HSD17B3: variants seen among roughly 807,000 people sequenced by gnomAD.
HSD17B3 encodes the protein 17-beta-hydroxysteroid dehydrogenase type 3.
In HSD17B3, 29 loss-of-function variants were observed where a neutral mutation model predicts 41.1. The ratio of observed to expected loss-of-function variants is 0.71; its 90% confidence interval spans 0.53 to 0.96. The LOEUF (loss-of-function observed/expected upper bound fraction) is 0.96, where lower values mean the gene tolerates loss of function less well. Among genes scored for constraint, HSD17B3 ranks in the 40% least tolerant of loss-of-function variants. The probability of loss-of-function intolerance (pLI) is 0.00; values close to 1 mark genes in which losing one functional copy is unlikely to be tolerated. For missense variants in HSD17B3, 323 were observed against 374.6 expected, an observed-to-expected ratio of 0.86 and a Z score of 1.14; for synonymous variants, 126 against 145.6, an observed-to-expected ratio of 0.87 and a Z score of 0.97.
At chr9:96,298,726 G>A (rs1397567363) in intron 1 of HSD17B3, among the ~76,000 whole-genome samples, 2 of 152,110 alleles carry the variant, frequency 1.3e-5, no homozygotes, top group Admixed American at 1.3e-4. Context: ...GGATTGGCGA[G>A]ACTGTGGAAA....
intron 2 of HSD17B3, among the ~76,000 whole-genome samples, chr9:96,275,699 T>C (rs1417551295): frequency 1.3e-5 from 2 of 152,120 alleles, no homozygotes; most frequent in South Asian, 2.1e-4. Flanking sequence ...AATTATAAGA[T>C]ATTTTATGTA....
intron 2 of HSD17B3, among the ~76,000 whole-genome samples, chr9:96,272,401 CTCTCTA>C (rs1272242597): frequency 3.3e-5 from 1 of 30,672 alleles, no homozygotes; most frequent in African/African-American, 1.2e-4. Context: ...CTCTCTCTCT[CTCTCTA>C]TATATATATA....
chr9:96,274,427 C>T (rs1438245600), intron 2 of HSD17B3, among the ~76,000 whole-genome samples: 1 of 152,136 alleles, frequency 6.6e-6, no homozygotes, highest in East Asian at 1.9e-4. Context: ...CACCACTGCA[C>T]TACAGCCTGG....
chr9:96,249,886 T>C (rs1263256998), intron 5 of HSD17B3, 100 bp from the exon 6 acceptor site: 1 of 1,604,928 alleles, frequency 6.2e-7, no homozygotes, highest in Non-Finnish European at 8.5e-7. Flanking sequence ...CAAAAGTGCA[T>C]GTCTGAACGG....
At chr9:96,295,808 T>C (rs985917831) in intron 2 of HSD17B3, among the ~76,000 whole-genome samples, 2 of 152,170 alleles carry the variant, frequency 1.3e-5, no homozygotes, top group African/African-American at 4.8e-5. Context: ...AATGCATTTT[T>C]CATATGAACC....
rs119481075 is a variant in HSD17B3, at chr9:96,254,906, C to T, written c.239G>A (p.Arg80Gln). Residue 80 changes from arginine to glutamine, a missense_variant, in exon 3 of 11, where the codon CGG (arginine) becomes CAG (glutamine). Transcript: ENST00000375263. ...AATGGCCTCTAGTTTTTCCAGCGTC[C>T]GGCTAATAAGGACAACATTGAGTCC... is the stretch of plus-strand genomic sequence containing the variant. ...KRGLNVVLIS[R>Q]TLEKLEAIAT... The T allele has an allele frequency of 1.4e-4, 224 of 1,613,992 alleles. No homozygotes were observed. Among genetic ancestry groups the T allele is most frequent in the Middle Eastern group, 3.3e-4 (2 of 6,062 alleles).
chr9:96,239,311 C>T (rs1156231256), intron 10 of HSD17B3: 1 of 152,198 alleles, frequency 6.6e-6, no homozygotes, highest in African/African-American at 2.4e-5. Context: ...CCCTAAATAA[C>T]AGACTAAGAG....
At chr9:96,287,709 C>CTAAA (rs201845606) in intron 2 of HSD17B3, among the ~76,000 whole-genome samples, 4,161 of 151,406 alleles carry the variant, frequency 0.027, 187 homozygotes, top group African/African-American at 0.089. Flanking sequence ...GACTCCGTCT[C>CTAAA]TAAATAAATA....
intron 3 of HSD17B3, among the ~76,000 whole-genome samples, chr9:96,253,540 T>C (rs928235132): frequency 2.0e-5 from 3 of 152,218 alleles, no homozygotes; most frequent in Non-Finnish European, 2.9e-5. Flanking sequence ...GAGGAGAAAA[T>C]GAAGGCTCAG....
chr9:96,257,291 A>T (rs1241829426), intron 2 of HSD17B3, among the ~76,000 whole-genome samples: 1 of 152,122 alleles, frequency 6.6e-6, no homozygotes, highest in Non-Finnish European at 1.5e-5. Flanking sequence ...ATTTGTATTT[A>T]TTAAATTATA....
intron 2 of HSD17B3, among the ~76,000 whole-genome samples, chr9:96,255,186 T>G (rs1825581875): frequency 6.6e-6 from 1 of 152,168 alleles, no homozygotes; most frequent in East Asian, 1.9e-4. Flanking sequence ...GTTTATTGTG[T>G]GCGGGGAACT....
At chr9:96,270,184 A>AT (rs1826188754) in intron 2 of HSD17B3, among the ~76,000 whole-genome samples, 1 of 151,852 alleles carries the variant, frequency 6.6e-6, no homozygotes, top group Non-Finnish European at 1.5e-5. Context: ...TGATTTTATC[A>AT]TTTTTTGTAA....
At chr9:96,292,774 A>C (rs2130792663) in intron 2 of HSD17B3, among the ~76,000 whole-genome samples, 1 of 152,358 alleles carries the variant, frequency 6.6e-6, no homozygotes, top group East Asian at 1.9e-4. Flanking sequence ...ACAAAGAAAA[A>C]ATTTTGAAAG....
chr9:96,246,674 G>A (rs958430801), intron 6 of HSD17B3, 84 bp from the exon 7 acceptor site: 31 of 1,227,452 alleles, frequency 2.5e-5, no homozygotes, highest in Admixed American at 1.6e-4. Flanking sequence ...AAGGGAGCGC[G>A]GGAGGAAGCT....
intron 10 of HSD17B3, among the ~76,000 whole-genome samples, chr9:96,237,044 C>A (rs1446591359): frequency 6.6e-6 from 1 of 152,124 alleles, no homozygotes; most frequent in Non-Finnish European, 1.5e-5. Context: ...AAGCTGACCT[C>A]TCCTCCCACT....
chr9:96,301,513 C>A (rs1033272821), intron 1 of HSD17B3, among the ~76,000 whole-genome samples: 1 of 150,792 alleles, frequency 6.6e-6, no homozygotes, highest in East Asian at 1.9e-4. Context: ...GAGTTCGAGA[C>A]CAGCCTGGCC....
At chr9:96,291,527 T>C (rs1827158627) in intron 2 of HSD17B3, among the ~76,000 whole-genome samples, 1 of 152,068 alleles carries the variant, frequency 6.6e-6, no homozygotes, top group Admixed American at 6.5e-5. Flanking sequence ...AAAACCAAAA[T>C]GTTGAGGATT....
At chr9:96,300,653 T>C (rs1827562318) in intron 1 of HSD17B3, among the ~76,000 whole-genome samples, 1 of 151,432 alleles carries the variant, frequency 6.6e-6, no homozygotes, top group Admixed American at 6.6e-5. Context: ...ATTTGAAATA[T>C]AAGGCCCTGC....
intron 2 of HSD17B3, among the ~76,000 whole-genome samples, chr9:96,261,634 C>T (rs1406961637): frequency 6.6e-6 from 1 of 152,206 alleles, no homozygotes; most frequent in East Asian, 1.9e-4. Flanking sequence ...GTGAGCGGCA[C>T]CTCCACGGGG....
Sources: allele counts gnomAD v4.1 joint callset (sites outside exome capture counted in the v4.1 genomes callset), GRCh38; gene constraint gnomAD v4.1.1; transcripts MANE v1.5; gene names NCBI Gene and HGNC (gene_info 2026-07-23, HGNC 2026-07-21).